The following DIPK1A variants were observed in gnomAD, a reference collection of about 807,000 sequenced individuals.
The protein encoded by DIPK1A is family with sequence similarity 69 member A.
A neutral mutation model predicts 40.8 loss-of-function variants in DIPK1A; 27 were observed. The observed-to-expected ratio is 0.66, with a 90% CI of 0.49 to 0.91. The LOEUF is 0.91. Ranked by LOEUF, DIPK1A falls within the 40% of genes least tolerant of loss-of-function variation. The pLI, the probability that DIPK1A is intolerant of heterozygous loss-of-function variation, is 0.00. For synonymous variants in DIPK1A, 166 were observed against 171.3 expected, an observed-to-expected ratio of 0.97 and a Z score of 0.24; for missense variants, 412 against 505.7, an observed-to-expected ratio of 0.81 and a Z score of 1.78.
intron 1 of DIPK1A, among the ~76,000 whole-genome samples, chr1:92,949,381 T>C (rs1222762132): frequency 1.3e-5 from 2 of 152,050 alleles, no homozygotes. Flanking sequence ...TTCAAGCAAT[T>C]CTCCTGCCTC....
Position 92,843,922 on chromosome 1 carries a change from G to C in DIPK1A, c.748C>G (p.Pro250Ala). The C allele has an allele frequency of 6.4e-7, 1 of 1,551,724 alleles. No homozygotes were observed. Among genetic ancestry groups the C allele is most frequent in the Non-Finnish European group, 8.7e-7 (1 of 1,147,004 alleles). ...TCCATGCTTCTTCTGAACCCAGATG[G>C]AATAAAAAGTTCAATGACCCAAGGA... ...SLPWVIELFI[P>A]SGFRRSMDQL... The change falls in exon 5 of 5, where the codon CCA becomes GCA. Residue 250 changes from proline to alanine, a missense_variant. By Grantham distance (27) the Pro-to-Ala change is conservative (BLOSUM62 -1). Transcript: ENST00000370310.
At chr1:92,846,792 CATATATAT>C (rs1180062565) in intron 4 of DIPK1A, among the ~76,000 whole-genome samples, 2 of 16,034 alleles carry the variant, frequency 1.2e-4, no homozygotes, top group African/African-American at 2.1e-4. Context: ...CCACTCCTGG[CATATATAT>C]ATATATATAT....
downstream of DIPK1A, among the ~76,000 whole-genome samples, chr1:92,838,640 A>G (rs1687216980): frequency 6.6e-6 from 1 of 152,252 alleles, no homozygotes; most frequent in Non-Finnish European, 1.5e-5. Context: ...AATCCTGTGC[A>G]GACATCTGAT....
intron 1 of DIPK1A, among the ~76,000 whole-genome samples, chr1:92,909,809 G>A (rs142640124): frequency 1.2e-4 from 19 of 152,122 alleles, no homozygotes; most frequent in African/African-American, 4.6e-4. Flanking sequence ...TGACTACCAG[G>A]GTGTAGGGGG....
In DIPK1A at chr1:92,843,190, A is replaced by C; in HGVS notation, c.*193T>G. ...GATGTAACAGGGCTTCTAAAAGGGC[A>C]GGAATGACATCTTGGGGACCTGTTG... On this transcript the variant is annotated 3_prime_UTR_variant, in exon 5 of 5. Transcript: ENST00000370310. The C allele has an allele frequency of 7.4e-7, 1 of 1,355,156 alleles. No homozygotes were observed. The highest frequency in any genetic ancestry group is 9.5e-7 in the Non-Finnish European group (1 of 1,050,654). 83.9% of individuals were successfully genotyped at this position (1,355,156 alleles called of 1,614,324 possible). A position where few individuals can be genotyped will look rare whatever the true frequency, so the allele number is the denominator to read the frequency against.
At chr1:92,860,512 G>C (rs774457341) in intron 2 of DIPK1A, among the ~76,000 whole-genome samples, 1 of 151,670 alleles carries the variant, frequency 6.6e-6, no homozygotes, top group Non-Finnish European at 1.5e-5. Flanking sequence ...CTTGGGGGCC[G>C]GACACAGTGG....
chr1:92,925,371 A>G (rs1650448937), intron 1 of DIPK1A, among the ~76,000 whole-genome samples: 1 of 152,242 alleles, frequency 6.6e-6, no homozygotes, highest in Admixed American at 6.5e-5. Flanking sequence ...TGTCTTTCAC[A>G]AATGTTTGAG....
intron 4 of DIPK1A, among the ~76,000 whole-genome samples, chr1:92,846,833 A>ACACACACACG (rs1557449864): frequency 1.3e-4 from 1 of 7,592 alleles, no homozygotes; most frequent in Non-Finnish European, 1.8e-4. Context: ...ATATATATAT[A>ACACACACACG]TATATATATG....
intron 2 of DIPK1A, among the ~76,000 whole-genome samples, chr1:92,853,575 G>A (rs1052550701): frequency 9.9e-5 from 15 of 152,180 alleles, no homozygotes; most frequent in Non-Finnish European, 8.8e-5. Context: ...TGAAGGGGAT[G>A]TTAATAGGTC....
Position 92,944,331 on chromosome 1 carries a change from G to A in DIPK1A, c.54+17045C>T, listed in dbSNP as rs548674092. 3.3e-5 allele frequency among the ~76,000 whole-genome samples: 5 copies of A among 152,268 alleles called. No individual in the cohort carries two copies. In the South Asian group the frequency reaches 1.0e-3, roughly 32 times the overall value. ...AAATAATATAATTTCCCAGAGCTGA[G>A]AAAGGATCCAAGTCTTAAGATTCAA... On this transcript the variant is annotated intron_variant, in intron 1 of 4. Transcript: ENST00000370310.
At chr1:92,950,060 A>G (rs1234557312) in intron 1 of DIPK1A, among the ~76,000 whole-genome samples, 1 of 152,218 alleles carries the variant, frequency 6.6e-6, no homozygotes, top group Non-Finnish European at 1.5e-5. Context: ...GCCAGGTATC[A>G]TGCACTCGCA....
chr1:92,911,546 G>A (rs997900433), intron 1 of DIPK1A, among the ~76,000 whole-genome samples: 10 of 152,158 alleles, frequency 6.6e-5, no homozygotes, highest in African/African-American at 1.7e-4. Flanking sequence ...TATTATATAC[G>A]TACCATAGTT....
At chr1:92,904,947 C>T (rs545148861) in intron 1 of DIPK1A, among the ~76,000 whole-genome samples, 1 of 152,178 alleles carries the variant, frequency 6.6e-6, no homozygotes, top group South Asian at 2.1e-4. Flanking sequence ...ACATAATGAC[C>T]TCCAGTTCCA....
Position 92,843,985 on chromosome 1 carries a change from C to A in DIPK1A, c.685G>T (p.Glu229Ter), listed in dbSNP as rs1478641792. Residue 229 changes from glutamate to a stop codon, truncating the protein, a stop_gained, in exon 5 of 5, where the codon GAA becomes TAA. Coordinates refer to ENST00000370310, the MANE Select transcript of DIPK1A (RefSeq NM_001006605.5). LOFTEE classifies it high-confidence loss of function. ...TAAAGAGAGGTATATTCAACACTTT[C>A]CATCACATAGAGGTCACCACAGAAT... Reference protein sequence around the residue: ...MGFCGDLYVMESVEYTSLYGI... With the variant: ...MGFCGDLYVM The A allele has an allele frequency of 1.9e-6, 3 of 1,551,944 alleles. No homozygotes were observed. The highest frequency in any genetic ancestry group is 1.2e-5 in the South Asian group (1 of 84,056).
intron 1 of DIPK1A, among the ~76,000 whole-genome samples, chr1:92,923,140 T>C (rs894433144): frequency 6.6e-6 from 1 of 152,134 alleles, no homozygotes; most frequent in Non-Finnish European, 1.5e-5. Flanking sequence ...TGTATGTATG[T>C]TTGTTTTTGT....
intron 1 of DIPK1A, among the ~76,000 whole-genome samples, chr1:92,952,137 A>G (rs946198203): frequency 2.0e-5 from 3 of 151,952 alleles, no homozygotes; most frequent in Non-Finnish European, 4.4e-5. Context: ...TGCTACTGAT[A>G]TCTAACGGGT....
Position 92,866,586 on chromosome 1 carries a change from G to A in DIPK1A, c.189+9710C>T, listed in dbSNP as rs187792873. On this transcript the variant is annotated intron_variant, in intron 2 of 4. Transcript: ENST00000370310. ...TTGATCTGCCAACTAGGTTGGCTAG[G>A]CCATAGCCCCCAGTTATCAAAACAA... Among the ~76,000 whole-genome samples, 23 of 152,246 alleles carry A rather than the reference G, an allele frequency of 1.5e-4. No homozygotes were observed. In the East Asian group the frequency reaches 3.5e-3, roughly 23 times the overall value.
chr1:92,955,662 C>A (rs1651822013), intron 1 of DIPK1A, among the ~76,000 whole-genome samples: 2 of 135,392 alleles, frequency 1.5e-5, no homozygotes, highest in South Asian at 4.6e-4. Context: ...CGCACCACTG[C>A]ACTACAGCCT....
chr1:92,885,557 T>C (rs1037138607), intron 1 of DIPK1A, among the ~76,000 whole-genome samples: 3 of 152,196 alleles, frequency 2.0e-5, no homozygotes, highest in African/African-American at 7.2e-5. Context: ...GGTTTTGCCA[T>C]GTTGGCCAGG....
Sources: gnomAD v4.1 joint callset for allele counts (sites outside exome capture counted in the v4.1 genomes callset) on GRCh38, gnomAD v4.1.1 for gene constraint, MANE v1.5 for transcripts, NCBI Gene and HGNC (gene_info 2026-07-23, HGNC 2026-07-21) for gene names.